CADM2: variants seen among roughly 807,000 people sequenced by gnomAD.
CADM2 encodes immunoglobulin superfamily member 4D.
A neutral mutation model predicts 49.8 loss-of-function variants in CADM2; 12 were observed. The ratio of observed to expected loss-of-function variants is 0.24; its 90% CI spans 0.15 to 0.39. The LOEUF (loss-of-function observed/expected upper bound fraction) is 0.39. Ranked by LOEUF, CADM2 falls within the 10% of genes least tolerant of loss-of-function variation. The pLI is 1.00. For missense variants in CADM2, 378 were observed against 492.3 expected, an observed-to-expected ratio of 0.77 and a Z score of 2.20; for synonymous variants, 214 against 175.4, an observed-to-expected ratio of 1.22 and a Z score of -1.74.
At chr3:85,930,985 T>C (rs1170855024) in intron 6 of CADM2, among the ~76,000 whole-genome samples, 1 of 151,286 alleles carries the variant, frequency 6.6e-6, no homozygotes, top group Non-Finnish European at 1.5e-5. Context: ...ATCTTGTTAA[T>C]GTACCTTCTA....
chr3:85,777,271 T>TATTATTATTA (rs1559649921), intron 2 of CADM2, among the ~76,000 whole-genome samples: 3 of 151,328 alleles, frequency 2.0e-5, no homozygotes, highest in Non-Finnish European at 4.4e-5. Flanking sequence ...TTATTATTAT[T>TATTATTATTA]TTGAGGTGGA....
At chr3:85,871,468 C>T (rs1335598321) in intron 3 of CADM2, among the ~76,000 whole-genome samples, 1 of 152,070 alleles carries the variant, frequency 6.6e-6, no homozygotes, top group African/African-American at 2.4e-5. Flanking sequence ...GATCTATAGG[C>T]TCTAGAGTCA....
chr3:85,385,241 C>A (rs2034155529), intron 1 of CADM2, among the ~76,000 whole-genome samples: 1 of 152,102 alleles, frequency 6.6e-6, no homozygotes, highest in Non-Finnish European at 1.5e-5. Flanking sequence ...AGGCGACACA[C>A]TGTTTATTTT....
chr3:85,576,930 A>G lies in CADM2; in HGVS notation c.62-149592A>G, dbSNP rs1398060815. ...TATTGTTTACCCAGAGCCACCAAGA[A>G]GAGACAGCAACAAATAGAACACAAA... is the stretch of plus-strand genomic sequence containing the variant. On this transcript the variant is annotated intron_variant, in intron 1 of 9. Coordinates refer to ENST00000383699, the MANE Select transcript of CADM2 (RefSeq NM_001167675.2). Among the ~76,000 whole-genome samples the G allele has an allele frequency of 3.3e-5, 5 of 152,112 alleles. No homozygotes were observed. The East Asian group carries it at 9.6e-4, about 29-fold the overall frequency.
At chr3:85,855,672 G>C (rs553782362) in intron 3 of CADM2, among the ~76,000 whole-genome samples, 1 of 144,878 alleles carries the variant, frequency 6.9e-6, no homozygotes, top group Admixed American at 7.1e-5. Context: ...TGTTGCCTAG[G>C]CTGGAGTGCA....
rs141202482 is a variant in CADM2, at chr3:86,014,070, G to A, written c.971-51535G>A. 3.2e-5 allele frequency: 41 copies of A among 1,289,814 alleles called. No individual in the cohort carries two copies. The East Asian group carries it at 7.1e-4, about 22-fold the overall frequency. The allele number at this position is 1,289,814 out of a possible 1,614,324, so 79.9% of individuals were successfully genotyped here. A position where few individuals can be genotyped will look rare whatever the true frequency, so the allele number is the denominator to read the frequency against. ...TGTAATTTCTGTTCTTTTTCACAAC[G>A]GTTAAGAAAGGGGTAAAGAACTGAA... On this transcript the variant is annotated intron_variant, in intron 8 of 9. Transcript: ENST00000383699.
chr3:85,877,949 T>C (rs980481614), intron 3 of CADM2, among the ~76,000 whole-genome samples: 1 of 152,106 alleles, frequency 6.6e-6, no homozygotes, highest in African/African-American at 2.4e-5. Context: ...CTCTTTGGAC[T>C]GTTAAATGTT....
chr3:85,178,334 C>G (rs2040839180), intron 1 of CADM2, among the ~76,000 whole-genome samples: 1 of 151,716 alleles, frequency 6.6e-6, no homozygotes, highest in Non-Finnish European at 1.5e-5. Context: ...TATATAAAAA[C>G]AGTACTTAAA....
At chr3:85,320,441 G>A (rs376372740) in intron 1 of CADM2, among the ~76,000 whole-genome samples, 3 of 152,066 alleles carry the variant, frequency 2.0e-5, no homozygotes, top group African/African-American at 4.8e-5. Context: ...TTCACGTAAC[G>A]CAAGCTACAG....
intron 1 of CADM2, among the ~76,000 whole-genome samples, chr3:85,705,337 T>C (rs1213424418): frequency 1.3e-5 from 2 of 152,130 alleles, no homozygotes; most frequent in Non-Finnish European, 2.9e-5. Flanking sequence ...ATTGTAATTC[T>C]ACAAGTCAGG....
intron 1 of CADM2, among the ~76,000 whole-genome samples, chr3:85,130,784 G>A (rs1384717106): frequency 3.3e-5 from 5 of 152,074 alleles, no homozygotes; most frequent in African/African-American, 1.2e-4. Flanking sequence ...CCATTTTTAT[G>A]TAACTTTTCA....
intron 1 of CADM2, among the ~76,000 whole-genome samples, chr3:85,157,994 G>GA (rs1312209080): frequency 1.3e-5 from 2 of 151,830 alleles, no homozygotes; most frequent in African/African-American, 4.8e-5. Flanking sequence ...AAATTTACAA[G>GA]AAAAAAACAA....
intron 1 of CADM2, among the ~76,000 whole-genome samples, chr3:85,149,765 C>T (rs892363434): frequency 2.6e-5 from 4 of 152,114 alleles, no homozygotes; most frequent in African/African-American, 9.7e-5. Flanking sequence ...GTTATAGACA[C>T]GTTTTATTTT....
intron 5 of CADM2, among the ~76,000 whole-genome samples, chr3:85,894,861 G>C (rs1222830337): frequency 6.6e-6 from 1 of 152,200 alleles, no homozygotes; most frequent in Non-Finnish European, 1.5e-5. Flanking sequence ...AAAAACTCAA[G>C]AATTGAGATT....
At chr3:85,301,898 T>G (rs7616336) in intron 1 of CADM2, among the ~76,000 whole-genome samples, 14,403 of 152,050 alleles carry the variant, frequency 0.095, 1,408 homozygotes, top group African/African-American at 0.25. Flanking sequence ...CAGAAAAATT[T>G]TTAAAAGGTT....
At chr3:85,515,631 A>ATATATATATATAT (rs1159969286) in intron 1 of CADM2, among the ~76,000 whole-genome samples, 2 of 118,406 alleles carry the variant, frequency 1.7e-5, no homozygotes, top group South Asian at 3.2e-4. Flanking sequence ...ATATATATAT[A>ATATATATATATAT]TTTTTTTTTT....
intron 1 of CADM2, among the ~76,000 whole-genome samples, chr3:85,001,256 T>C: frequency 6.6e-6 from 1 of 152,162 alleles, no homozygotes; most frequent in East Asian, 1.9e-4. Context: ...ATTTTTGAAA[T>C]TTTTTAGTTC....
At chr3:85,698,801 G>C (rs2107701823) in intron 1 of CADM2, among the ~76,000 whole-genome samples, 1 of 152,076 alleles carries the variant, frequency 6.6e-6, no homozygotes, top group Admixed American at 6.5e-5. Context: ...AGCCCCTCCT[G>C]GTCCCTCCCA....
Position 85,021,819 on chromosome 3 carries a change from G to A in CADM2, c.61+62151G>A, listed in dbSNP as rs561236127. Among the ~76,000 whole-genome samples the A allele has an allele frequency of 2.5e-3, 379 of 152,124 alleles. 5 individuals are homozygous for A. Among genetic ancestry groups the A allele is most frequent in the African/African-American group, 8.9e-3 (370 of 41,520 alleles). Reference sequence around the variant, plus strand: ...ACAAAAAATAAAAATACACTCTAGAGGAAAACATTGTTATCATCTCTCTGT... The same window carrying A: ...ACAAAAAATAAAAATACACTCTAGAAGAAAACATTGTTATCATCTCTCTGT... On this transcript the variant is annotated intron_variant, in intron 1 of 9. Transcript: ENST00000383699.
Sources: allele counts gnomAD v4.1 joint callset (sites outside exome capture counted in the v4.1 genomes callset), GRCh38; gene constraint gnomAD v4.1.1; transcripts MANE v1.5; gene names NCBI Gene and HGNC (gene_info 2026-07-23, HGNC 2026-07-21).